Variants in GET4 observed in about 807,000 individuals in gnomAD.
GET4 encodes the protein Golgi to ER traffic protein 4 homolog.
In GET4, 20 loss-of-function variants were observed where a neutral mutation model predicts 40.0. The ratio of observed to expected loss-of-function variants is 0.50; its 90% CI spans 0.35 to 0.73. The LOEUF (loss-of-function observed/expected upper bound fraction) is 0.73, where lower values mean the gene tolerates loss of function less well. GET4 is among the 30% of genes least tolerant of loss of function. GET4 has a pLI of 0.01. For missense variants in GET4, 557 were observed against 454.0 expected (o/e 1.23, Z -2.06); for synonymous variants, 280 against 194.6 (o/e 1.44, Z -3.65).
intron 8 of GET4, among the ~76,000 whole-genome samples, chr7:894,623 G>A (rs555811084): frequency 5.9e-5 from 9 of 152,212 alleles, no homozygotes; most frequent in South Asian, 4.1e-4. Flanking sequence ...CGTCAGGAGC[G>A]CCCTGACTCT....
At position 877,073 on chromosome 7, in the gene GET4, C is replaced by T. The variant is rs1390779549; in HGVS notation, c.155+273C>T. On this transcript the variant is annotated intron_variant, in intron 1 of 8. Transcript: ENST00000265857. ...TTCCTCCTCGGCCTTCCCCTACTCC[C>T]AGCCTCCACCTGTTCCCTCCTCCGT... 3.3e-5 allele frequency among the ~76,000 whole-genome samples: 5 copies of T among 151,778 alleles called. No homozygotes were observed. The East Asian group carries it at 7.7e-4, about 23-fold the overall frequency.
chr7:881,953 T>C (rs926401009), intron 1 of GET4: 7 of 152,236 alleles, frequency 4.6e-5, no homozygotes, highest in African/African-American at 1.7e-4. Context: ...CGCATTAGTT[T>C]GCGAAGGATA....
At position 895,482 on chromosome 7, in the gene GET4, C is replaced by T. The variant is rs948134821; in HGVS notation, c.*60C>T. 19 of 897,894 alleles carry T rather than the reference C, an allele frequency of 2.1e-5. No homozygotes were observed. The highest frequency in any genetic ancestry group is 3.3e-5 in the African/African-American group (2 of 60,538). The allele number at this position is 897,894 out of a possible 1,614,324, so 55.6% of individuals were successfully genotyped here. ...GACGGCTGGAGGGACGTTTCAGAGG[C>T]GAGTCCTGGGTGGCTCCTCGCCTTG... On this transcript the variant is annotated 3_prime_UTR_variant, in exon 9 of 9. Coordinates refer to ENST00000265857, the MANE Select transcript of GET4 (RefSeq NM_015949.3).
intron 3 of GET4, chr7:886,936 C>G (rs554711987): frequency 6.6e-5 from 35 of 532,398 alleles, no homozygotes; most frequent in African/African-American, 6.3e-4. Flanking sequence ...TCCCCGCCAG[C>G]TGGCAAGGTG....
At chr7:894,334 C>T (rs1176020208) in intron 8 of GET4, among the ~76,000 whole-genome samples, 1 of 152,194 alleles carries the variant, frequency 6.6e-6, no homozygotes, top group African/African-American at 2.4e-5. Context: ...CTGGGGCAGG[C>T]AGTGCTGCCG....
chr7:894,148 T>A (rs1482967103), intron 8 of GET4, among the ~76,000 whole-genome samples, 177 bp downstream of exon 8: 1 of 152,230 alleles, frequency 6.6e-6, no homozygotes. Flanking sequence ...TTGAGAATTC[T>A]GGCACGGTGG....
chr7:877,680 A>C (rs1462182997), intron 1 of GET4, among the ~76,000 whole-genome samples: 10 of 68,292 alleles, frequency 1.5e-4, no homozygotes, highest in East Asian at 3.8e-4. Context: ...CCCACCCCAT[A>C]TCTCCCTGTC....
At position 885,767 on chromosome 7, in the gene GET4, C is replaced by G. The variant is rs1844175077; in HGVS notation, c.156-289C>G. 3 of 414,882 alleles carry G rather than the reference C, an allele frequency of 7.2e-6. No homozygotes were observed. The East Asian group carries it at 1.4e-4, about 19-fold the overall frequency. 25.7% of individuals were successfully genotyped at this position (414,882 alleles called of 1,614,324 possible). A position where few individuals can be genotyped will look rare whatever the true frequency, so the allele number is the denominator to read the frequency against. ...CCCTGCCCAGTGGCCTTTCTGGTCCCAGCTACTGAAACCGGTGAGCTGCTC... is the reference window on the plus strand; with the variant it reads ...CCCTGCCCAGTGGCCTTTCTGGTCCGAGCTACTGAAACCGGTGAGCTGCTC... On this transcript the variant is annotated intron_variant, in intron 1 of 8. Coordinates refer to ENST00000265857, the MANE Select transcript of GET4 (RefSeq NM_015949.3).
chr7:893,370 G>T (rs1197591453), intron 6 of GET4, among the ~76,000 whole-genome samples: 1 of 104,040 alleles, frequency 9.6e-6, no homozygotes, highest in East Asian at 2.9e-4. Flanking sequence ...TTGGGTGTGG[G>T]CGTGGTGTGT....
intron 6 of GET4, among the ~76,000 whole-genome samples, chr7:892,789 G>T (rs1055015379): frequency 4.0e-5 from 6 of 151,158 alleles, no homozygotes; most frequent in African/African-American, 1.5e-4. Flanking sequence ...GTGTAGACGT[G>T]TATACAGGTG....
chr7:886,456 A>G, intron 2 of GET4, 113 bp from the exon 3 acceptor site: 2 of 736,332 alleles, frequency 2.7e-6, no homozygotes, highest in Non-Finnish European at 2.4e-6. Flanking sequence ...CTCAGAAGAG[A>G]CTCCTCAGCA....
intron 8 of GET4, among the ~76,000 whole-genome samples, chr7:894,271 T>C (rs1279951890): frequency 2.0e-5 from 3 of 152,128 alleles, no homozygotes; most frequent in Admixed American, 2.0e-4. Flanking sequence ...CTGTGCGCCA[T>C]GCTAGGTGGC....
At chr7:893,091 G>C (rs373955706) in intron 6 of GET4, among the ~76,000 whole-genome samples, 52 of 144,112 alleles carry the variant, frequency 3.6e-4, no homozygotes, top group African/African-American at 1.2e-3. Flanking sequence ...TGTTGGGTGC[G>C]GGCGTGGTGA....
intron 3 of GET4, chr7:886,935 G>C: frequency 3.8e-6 from 2 of 533,180 alleles, no homozygotes; most frequent in Middle Eastern, 8.6e-4. Context: ...CTCCCCGCCA[G>C]CTGGCAAGGT....
Position 895,455 on chromosome 7 carries a change from A to T in GET4, c.*33A>T. The T allele has an allele frequency of 8.5e-7, 1 of 1,174,760 alleles. No individual in the cohort carries two copies. Among genetic ancestry groups the T allele is most frequent in the South Asian group, 1.3e-5 (1 of 79,144 alleles). The allele number at this position is 1,174,760 out of a possible 1,614,324, so 72.8% of individuals were successfully genotyped here. A position where few individuals can be genotyped will look rare whatever the true frequency, so the allele number is the denominator to read the frequency against. ...AGGCCACGTGGAGACACCACGGTCG[A>T]CGACGGCTGGAGGGACGTTTCAGAG... On this transcript the variant is annotated 3_prime_UTR_variant, in exon 9 of 9. Coordinates refer to ENST00000265857, the MANE Select transcript of GET4 (RefSeq NM_015949.3).
Position 892,260 on chromosome 7 carries a change from G to A in GET4, c.606-18G>A, listed in dbSNP as rs761287942. 1.3e-6 allele frequency: 2 copies of A among 1,584,584 alleles called. No individual in the cohort carries two copies. Among genetic ancestry groups the A allele is most frequent in the South Asian group, 1.1e-5 (1 of 90,454 alleles). On this transcript the variant is annotated intron_variant, in intron 5 of 8. Coordinates refer to ENST00000265857, the MANE Select transcript of GET4 (RefSeq NM_015949.3). ...GTGTCCTCCAGCCCTTCCACCACCA[G>A]CATGTTCTCATTTCCAGGTTTCTCT...
intron 1 of GET4, among the ~76,000 whole-genome samples, chr7:877,670 C>T: frequency 7.3e-6 from 1 of 136,116 alleles, no homozygotes; most frequent in Non-Finnish European, 1.6e-5. Context: ...TCACCTGCTC[C>T]CCACCCCATA....
At chr7:884,302 T>C (rs1449813685) in intron 1 of GET4, 1 of 1,303,952 alleles carries the variant, frequency 7.7e-7, no homozygotes, top group Non-Finnish European at 1.0e-6. Context: ...GCTCCCGGCC[T>C]CCTCTGAGTC....
rs1231537160 is a variant in GET4 at position 893,962 on chromosome 7, G to T, written c.886G>T (p.Gly296Cys). ...GCCCAAGCAGACGTCTTCCTACGGG[G>T]GCCTGCTCGGTAAGCCGGGGCGCCC... ...VPPKQTSSYGGLLGNLLTSLM... is the reference protein window; with the variant it reads ...VPPKQTSSYGCLLGNLLTSLM... Residue 296 changes from glycine to cysteine, a missense_variant, in exon 8 of 9, where the codon GGC becomes TGC. Coordinates refer to ENST00000265857, the MANE Select transcript of GET4 (RefSeq NM_015949.3). 6.3e-7 allele frequency: 1 copy of T among 1,596,744 alleles called. No individual in the cohort carries two copies. Among genetic ancestry groups the T allele is most frequent in the Non-Finnish European group, 8.5e-7 (1 of 1,169,842 alleles).
Sources: allele counts gnomAD v4.1 joint callset (sites outside exome capture counted in the v4.1 genomes callset), GRCh38; gene constraint gnomAD v4.1.1; transcripts MANE v1.5; gene names NCBI Gene and HGNC (gene_info 2026-07-23, HGNC 2026-07-21).